The following MICAL2 variants were observed in gnomAD, a reference collection of about 807,000 sequenced individuals.
The protein encoded by MICAL2 is microtubule associated monooxygenase, calponin and LIM domain containing 2.
MICAL2 carries 77 observed loss-of-function variants against 127.3 expected under a neutral mutation model. The ratio of observed to expected loss-of-function variants is 0.60; its 90% confidence interval spans 0.50 to 0.73. The LOEUF (loss-of-function observed/expected upper bound fraction) is 0.73, where lower values mean the gene tolerates loss of function less well. Among genes scored for constraint, MICAL2 ranks in the 30% least tolerant of loss-of-function variants. The pLI, the probability that MICAL2 is intolerant of heterozygous loss-of-function variation, is 0.00. For synonymous variants in MICAL2, 570 were observed against 551.1 expected (o/e 1.03, Z -0.48); for missense variants, 1,351 against 1,434.4 (o/e 0.94, Z 0.94).
At chr11:12,249,076 T>C in intron 21 of MICAL2, 108 bp from the exon 22 acceptor site, 2 of 1,449,448 alleles carry the variant, frequency 1.4e-6, no homozygotes, top group Non-Finnish European at 1.9e-6. Context: ...TCCTAACCTA[T>C]GCAAAATGCC....
downstream of MICAL2, among the ~76,000 whole-genome samples, chr11:12,291,525 C>A (rs1304504679): frequency 6.6e-6 from 1 of 152,192 alleles, no homozygotes; most frequent in Non-Finnish European, 1.5e-5. Context: ...ACACTGTATC[C>A]TGTTTGTTCC....
At chr11:12,125,699 T>C (rs1200767386) in intron 1 of MICAL2, among the ~76,000 whole-genome samples, 1 of 152,346 alleles carries the variant, frequency 6.6e-6, no homozygotes, top group South Asian at 2.1e-4. Context: ...TATTTGTGTA[T>C]ATATGCATAA....
rs142053702 is a variant in MICAL2 at position 12,232,118 on chromosome 11, T to C, written c.1996-4059T>C. On this transcript the variant is annotated intron_variant, in intron 15 of 27. Coordinates refer to ENST00000683283, the MANE Select transcript of MICAL2 (RefSeq NM_001282663.2). ...CGATGTCTGGCAGGTGGAAGGTGCT[T>C]AGTAAATGATAGTTCTTTTCCTTTA... Among the ~76,000 whole-genome samples, 417 of 152,352 alleles carry C rather than the reference T, an allele frequency of 2.7e-3. 4 individuals carry two copies. Among genetic ancestry groups the C allele is most frequent in the African/African-American group, 9.3e-3 (387 of 41,576 alleles).
intron 27 of MICAL2, 76 bp from the exon 28 acceptor site, chr11:12,263,484 A>C (rs938584224): frequency 2.6e-5 from 4 of 152,662 alleles, no homozygotes; most frequent in African/African-American, 4.8e-5. Context: ...CTGGCCCTGC[A>C]TGCTGCACGC....
chr11:12,261,733 G>A (rs1023330793), intron 26 of MICAL2: 18 of 985,308 alleles, frequency 1.8e-5, no homozygotes, highest in Non-Finnish European at 6.0e-6. Context: ...AAATCCTTGG[G>A]AAAAACAGAG....
downstream of MICAL2, among the ~76,000 whole-genome samples, chr11:12,360,060 A>G (rs1187328034): frequency 6.6e-6 from 1 of 151,910 alleles, no homozygotes; most frequent in Non-Finnish European, 1.5e-5. Flanking sequence ...TCTATGTTAT[A>G]GCAAGTTCCA....
intron 1 of MICAL2, among the ~76,000 whole-genome samples, chr11:12,131,489 C>T (rs1851415269): frequency 6.6e-6 from 1 of 152,230 alleles, no homozygotes; most frequent in South Asian, 2.1e-4. Flanking sequence ...TCCTTCTTCT[C>T]TGCCTTTTCA....
At chr11:12,315,019 C>G (rs1180692316) in intron 29 of MICAL2, among the ~76,000 whole-genome samples, 1 of 152,046 alleles carries the variant, frequency 6.6e-6, no homozygotes, top group Non-Finnish European at 1.5e-5. Context: ...CTGTGGCATT[C>G]CTTTTAGTGT....
intron 33 of MICAL2, among the ~76,000 whole-genome samples, chr11:12,352,402 A>T (rs1172637508): frequency 6.6e-6 from 1 of 152,196 alleles, no homozygotes; most frequent in Non-Finnish European, 1.5e-5. Flanking sequence ...TGATAAGAAA[A>T]CTTAGAAGAG....
At chr11:12,255,251 G>T (rs528739327) in intron 22 of MICAL2, 65 of 213,778 alleles carry the variant, frequency 3.0e-4, no homozygotes, top group African/African-American at 1.4e-3. Context: ...ACGGTTTAGT[G>T]GTATTAAATA....
At chr11:12,228,741 G>A (rs1179031344) in intron 15 of MICAL2, among the ~76,000 whole-genome samples, 1 of 152,234 alleles carries the variant, frequency 6.6e-6, no homozygotes, top group East Asian at 1.9e-4. Context: ...CAGGCGACAG[G>A]GAAGCCAGCC....
At chr11:12,300,572 G>A (rs975403362) in intron 29 of MICAL2, among the ~76,000 whole-genome samples, 2 of 151,956 alleles carry the variant, frequency 1.3e-5, no homozygotes, top group African/African-American at 2.4e-5. Flanking sequence ...GGTGTGGGAG[G>A]GCCCATGAAC....
At chr11:12,324,649 A>G (rs2134848442) in intron 31 of MICAL2, among the ~76,000 whole-genome samples, 1 of 152,364 alleles carries the variant, frequency 6.6e-6, no homozygotes, top group South Asian at 2.1e-4. Flanking sequence ...ACCCAAGCCT[A>G]GTCTTGAACA....
At chr11:12,240,960 C>T in intron 17 of MICAL2, 80 bp from the exon 18 acceptor site, 2 of 1,548,350 alleles carry the variant, frequency 1.3e-6, no homozygotes, top group East Asian at 2.3e-5. Context: ...TCTCTTCTCC[C>T]TCCAAGCCTC....
At position 12,129,164 on chromosome 11, in the gene MICAL2, T is replaced by C. The variant is rs16910568; in HGVS notation, c.-148-9226T>C. Among the ~76,000 whole-genome samples the C allele has an allele frequency of 2.4e-3, 359 of 152,300 alleles. 1 individual carries two copies. The highest frequency in any genetic ancestry group is 4.0e-3 in the Non-Finnish European group (275 of 68,026). ...TCTTTCTAAAATCCCTGAAGACTTG[T>C]GCCTTGTCCTAGAAGCTGTCAATAG... On this transcript the variant is annotated intron_variant, in intron 1 of 27. Coordinates refer to ENST00000683283, the MANE Select transcript of MICAL2 (RefSeq NM_001282663.2).
In MICAL2 at chr11:12,226,182, CTT is replaced by C; in HGVS notation, c.1702_1703del (p.Leu568GlufsTer2). ...TTTTGATTCTCTAGCAACTTTGACT[CTT>C]TGAATGAAGATGATGCTGTGGAGAA... On this transcript the variant is annotated frameshift_variant, in exon 14 of 28. Coordinates refer to ENST00000683283, the MANE Select transcript of MICAL2 (RefSeq NM_001282663.2). LOFTEE classifies it high-confidence loss of function. The C allele has an allele frequency of 1.2e-6, 2 of 1,614,236 alleles. No individual in the cohort carries two copies. The highest frequency in any genetic ancestry group is 1.7e-6 in the Non-Finnish European group (2 of 1,180,042).
At chr11:12,359,754 G>A (rs562678325), downstream of MICAL2, among the ~76,000 whole-genome samples, 7 of 152,258 alleles carry the variant, frequency 4.6e-5, no homozygotes, top group South Asian at 8.3e-4. Context: ...GTTTTTGCTC[G>A]GATTCTTTGA....
At chr11:12,289,875 C>T (rs7115141), downstream of MICAL2, among the ~76,000 whole-genome samples, 1 of 151,988 alleles carries the variant, frequency 6.6e-6, no homozygotes, top group East Asian at 1.9e-4. Context: ...GGCCAACTGG[C>T]AATCTCTTTT....
At chr11:12,319,503 A>G (rs188543874) in intron 29 of MICAL2, among the ~76,000 whole-genome samples, 5 of 151,958 alleles carry the variant, frequency 3.3e-5, no homozygotes, top group African/African-American at 1.2e-4. Flanking sequence ...GGACCCAGAA[A>G]TGTAATTAAC....
Sources: allele counts gnomAD v4.1 joint callset (sites outside exome capture counted in the v4.1 genomes callset), GRCh38; gene constraint gnomAD v4.1.1; transcripts MANE v1.5; gene names NCBI Gene and HGNC (gene_info 2026-07-23, HGNC 2026-07-21).